Variants in HNMT observed in about 807,000 individuals in gnomAD.
HNMT encodes the protein histamine N-methyltransferase.
HNMT carries 30 observed loss-of-function variants against 32.1 expected under a neutral mutation model. The observed-to-expected ratio is 0.93, with a 90% confidence interval of 0.70 to 1.27. HNMT has a LOEUF of 1.27. Among genes scored for constraint, HNMT ranks in the 50% most tolerant of loss-of-function variants. HNMT has a pLI of 0.00. For synonymous variants in HNMT, 125 were observed against 119.0 expected (o/e 1.05, Z -0.33); for missense variants, 327 against 346.0 (o/e 0.95, Z 0.43).
At chr2:137,996,388 C>A (rs2375744) in intron 2 of HNMT, among the ~76,000 whole-genome samples, 20,510 of 152,082 alleles carry the variant, frequency 0.13, 1,665 homozygotes, top group South Asian at 0.2. Context: ...TAGACAAAAA[C>A]AGAGCCAAAT....
intron 2 of HNMT, among the ~76,000 whole-genome samples, chr2:137,972,767 C>T (rs900822557): frequency 1.3e-5 from 2 of 152,088 alleles, no homozygotes; most frequent in African/African-American, 4.8e-5. Context: ...GTCACTTGTG[C>T]TTGGACAAGA....
chr2:138,013,951 A>T lies in HNMT; in HGVS notation c.700A>T (p.Asn234Tyr), dbSNP rs17851810. 2 of 1,613,818 alleles carry T rather than the reference A, an allele frequency of 1.2e-6. No homozygotes were observed. Among genetic ancestry groups the T allele is most frequent in the East Asian group, 4.5e-5 (2 of 44,866 alleles). ...MDISDCFIDG[N>Y]ENGDLLWDFL... is the part of the protein sequence containing the mutation. ...TATATCTGACTGCTTTATTGATGGT[A>T]ATGAAAATGGAGACCTGCTTTGGGA... The change falls in exon 6 of 6, where the codon AAT becomes TAT. Residue 234 changes from asparagine to tyrosine, a missense_variant. Transcript: ENST00000280097.
chr2:138,001,145 G>A (rs987193055), intron 3 of HNMT, 120 bp downstream of exon 3: 2 of 523,574 alleles, frequency 3.8e-6, no homozygotes, highest in South Asian at 3.2e-5. Context: ...CTTATTGGGA[G>A]AAGAACTGAA....
chr2:137,984,376 G>A (rs1680590387), intron 2 of HNMT, among the ~76,000 whole-genome samples: 1 of 152,144 alleles, frequency 6.6e-6, no homozygotes, highest in African/African-American at 2.4e-5. Context: ...ACATCACTTA[G>A]CATTCTTTAG....
At chr2:137,987,309 C>T (rs1680678263) in intron 2 of HNMT, among the ~76,000 whole-genome samples, 1 of 152,066 alleles carries the variant, frequency 6.6e-6, no homozygotes, top group African/African-American at 2.4e-5. Context: ...TGCCCTACTC[C>T]CCTTAAATGC....
At position 138,014,261 on chromosome 2, in the gene HNMT, A is replaced by T. The variant is rs893425139; in HGVS notation, c.*131A>T. 3.2e-6 allele frequency: 2 copies of T among 625,906 alleles called. No homozygotes were observed. The highest frequency in any genetic ancestry group is 1.8e-5 in the African/African-American group (1 of 54,460). The allele number at this position is 625,906 out of a possible 1,614,324, so 38.8% of individuals were successfully genotyped here. On this transcript the variant is annotated 3_prime_UTR_variant, in exon 6 of 6. Coordinates refer to ENST00000280097, the MANE Select transcript of HNMT (RefSeq NM_006895.3). ...ACTGTTTGGATATGAGATGTAGCAA[A>T]TTCCAATACATTATTGGACTTCCAT...
Position 138,015,649 on chromosome 2 carries a change from A to C in HNMT, c.*1519A>C, listed in dbSNP as rs930766126. 2.0e-5 allele frequency: 3 copies of C among 152,170 alleles called. No individual in the cohort carries two copies. Among genetic ancestry groups the C allele is most frequent in the African/African-American group, 7.2e-5 (3 of 41,458 alleles). The allele number at this position is 152,170 out of a possible 1,614,324, so 9.4% of individuals were successfully genotyped here. On this transcript the variant is annotated 3_prime_UTR_variant, in exon 6 of 6. Coordinates refer to ENST00000280097, the MANE Select transcript of HNMT (RefSeq NM_006895.3). ...TATCCAATCAGATTCCTGAAAATGAACACTGAACCGTTAATCATACTGATA... is the reference window on the plus strand; with the variant it reads ...TATCCAATCAGATTCCTGAAAATGACCACTGAACCGTTAATCATACTGATA...
chr2:138,002,888 A>T (rs944114677), intron 4 of HNMT: 1 of 416,346 alleles, frequency 2.4e-6, no homozygotes, highest in African/African-American at 2.2e-5. Flanking sequence ...TCGAAGGGGC[A>T]GGTTAAATGA....
chr2:137,977,003 A>T (rs898535384), intron 2 of HNMT, among the ~76,000 whole-genome samples: 1 of 152,232 alleles, frequency 6.6e-6, no homozygotes, highest in African/African-American at 2.4e-5. Flanking sequence ...CAGCAAAACA[A>T]GGGATAATGA....
At chr2:137,970,071 A>C (rs1160763524) in intron 1 of HNMT, 94 bp from the exon 2 acceptor site, 7 of 635,670 alleles carry the variant, frequency 1.1e-5, no homozygotes, top group Non-Finnish European at 1.9e-5. Flanking sequence ...CATTCATTGT[A>C]TTTTTAGTCT....
intron 1 of HNMT, among the ~76,000 whole-genome samples, chr2:137,969,091 G>T (rs144461171): frequency 6.6e-6 from 1 of 152,190 alleles, no homozygotes; most frequent in East Asian, 1.9e-4. Context: ...ATTCGATGGA[G>T]ATTTTTCCTT....
chr2:137,987,745 C>A (rs1272775466), intron 2 of HNMT, among the ~76,000 whole-genome samples: 1 of 151,330 alleles, frequency 6.6e-6, no homozygotes, highest in Non-Finnish European at 1.5e-5. Flanking sequence ...ATTTAAGTAT[C>A]CTTAGTTCTT....
At position 137,970,215 on chromosome 2, in the gene HNMT, C is replaced by A; in HGVS notation, c.188C>A (p.Ala63Glu). ...EIKILSIGGGAGEIDLQILSK... is the reference protein window; with the variant it reads ...EIKILSIGGGEGEIDLQILSK... ...AAGATTCTAAGCATAGGCGGAGGTG[C>A]AGGTATGAGTAATATATTTTTAAAG... is the stretch of plus-strand genomic sequence containing the variant. Residue 63 changes from alanine to glutamate, a missense_variant and splice_region_variant, in exon 2 of 6, where the codon GCA becomes GAA. Coordinates refer to ENST00000280097, the MANE Select transcript of HNMT (RefSeq NM_006895.3). 2 of 1,530,314 alleles carry A rather than the reference C, an allele frequency of 1.3e-6. No homozygotes were observed. Among genetic ancestry groups the A allele is most frequent in the Non-Finnish European group, 1.8e-6 (2 of 1,110,916 alleles). 94.8% of individuals were successfully genotyped at this position (1,530,314 alleles called of 1,614,324 possible).
chr2:138,000,582 T>G (rs1216089954), intron 2 of HNMT, among the ~76,000 whole-genome samples: 1 of 151,974 alleles, frequency 6.6e-6, no homozygotes, highest in Non-Finnish European at 1.5e-5. Context: ...ATCTTAAAAT[T>G]TTAATTGACA....
At chr2:137,989,351 C>T (rs957484726) in intron 2 of HNMT, among the ~76,000 whole-genome samples, 8 of 152,240 alleles carry the variant, frequency 5.3e-5, no homozygotes, top group Non-Finnish European at 7.4e-5. Flanking sequence ...ATATTGGCTC[C>T]GTTCAGATAG....
chr2:137,989,515 G>C (rs1039878481), intron 2 of HNMT, among the ~76,000 whole-genome samples: 1 of 152,138 alleles, frequency 6.6e-6, no homozygotes, highest in African/African-American at 2.4e-5. Context: ...ACACATCTTG[G>C]TTACTTCCAA....
intron 2 of HNMT, among the ~76,000 whole-genome samples, chr2:137,983,078 C>A (rs1007296336): frequency 2.6e-5 from 4 of 152,144 alleles, no homozygotes; most frequent in Non-Finnish European, 5.9e-5. Context: ...ATCCCAAAGC[C>A]TCATCCATAA....
At chr2:137,978,477 T>G (rs946844499) in intron 2 of HNMT, among the ~76,000 whole-genome samples, 1 of 142,160 alleles carries the variant, frequency 7.0e-6, no homozygotes, top group Admixed American at 7.2e-5. Context: ...ATACATATGA[T>G]TAGATAATAT....
chr2:138,002,030 A>G, intron 3 of HNMT, 34 bp from the exon 4 acceptor site: 1 of 1,455,998 alleles, frequency 6.9e-7, no homozygotes, highest in Non-Finnish European at 9.1e-7. Flanking sequence ...TGCAATTAAA[A>G]TTGATGGTGT....
Sources: allele counts gnomAD v4.1 joint callset (sites outside exome capture counted in the v4.1 genomes callset), GRCh38; gene constraint gnomAD v4.1.1; transcripts MANE v1.5; gene names NCBI Gene and HGNC (gene_info 2026-07-23, HGNC 2026-07-21).